Variants in KIRREL3 observed in about 807,000 individuals in gnomAD.
KIRREL3 encodes the protein kirre like nephrin family adhesion molecule 3.
In KIRREL3, 36 loss-of-function variants were observed where a neutral mutation model predicts 89.7. The ratio of observed to expected loss-of-function variants is 0.40; its 90% CI spans 0.31 to 0.53. The LOEUF is 0.53. Ranked by LOEUF, KIRREL3 falls within the 20% of genes least tolerant of loss-of-function variation. The pLI, the probability that KIRREL3 is intolerant of heterozygous loss-of-function variation, is 0.49. For synonymous variants in KIRREL3, 445 were observed against 441.4 expected, an observed-to-expected ratio of 1.01 and a Z score of -0.10; for missense variants, 864 against 1,056.6, an observed-to-expected ratio of 0.82 and a Z score of 2.53.
At chr11:126,545,228 A>G (rs1715776316) in intron 2 of KIRREL3, among the ~76,000 whole-genome samples, 1 of 152,172 alleles carries the variant, frequency 6.6e-6, no homozygotes. Context: ...AAACTGCCCT[A>G]TAGGGAAGAG....
intron 1 of KIRREL3, among the ~76,000 whole-genome samples, chr11:126,621,222 C>G (rs1161883063): frequency 6.6e-6 from 1 of 152,186 alleles, no homozygotes; most frequent in African/African-American, 2.4e-5. Context: ...CAGAACAGCT[C>G]TGAGTGGGGG....
At position 126,854,126 on chromosome 11, in the gene KIRREL3, TTG is replaced by T. The variant is rs375873911; in HGVS notation, c.55+146327_55+146328del. On this transcript the variant is annotated intron_variant, in intron 1 of 16. Coordinates refer to ENST00000525144, the MANE Select transcript of KIRREL3 (RefSeq NM_032531.4). ...CTAAACTCTTCCAGTAATAAGTTTC[TTG>T]TGTGTGTGTGTGTGTGTGTGTGTGT... is the stretch of plus-strand genomic sequence containing the variant. 5.4e-3 allele frequency among the ~76,000 whole-genome samples: 777 copies of T among 143,920 alleles called. 2 individuals are homozygous for T. The highest frequency in any genetic ancestry group is 0.01 in the African/African-American group (393 of 38,480). 94.4% of individuals were successfully genotyped at this position (143,920 alleles called of 152,430 possible). A position where few individuals can be genotyped will look rare whatever the true frequency, so the allele number is the denominator to read the frequency against.
chr11:126,742,530 A>G lies in KIRREL3; in HGVS notation c.56-179618T>C, dbSNP rs1032188362. On this transcript the variant is annotated intron_variant, in intron 1 of 16. Transcript: ENST00000525144. The surrounding 1 kb of genome is among the most constrained non-coding windows in gnomAD (Gnocchi z 5.3). The stretch of plus-strand genomic sequence containing the variant: ...CACACAACATGGATCTCAGAACTGG[A>G]AAGAACAAGAGATTTTCCCATAAAG... 2.0e-5 allele frequency among the ~76,000 whole-genome samples: 3 copies of G among 152,198 alleles called. No homozygotes were observed. The highest frequency in any genetic ancestry group is 6.5e-5 in the Admixed American group (1 of 15,280).
At chr11:126,446,021 A>G (rs1039601257) in intron 9 of KIRREL3, among the ~76,000 whole-genome samples, 6 of 151,934 alleles carry the variant, frequency 3.9e-5, no homozygotes, top group African/African-American at 1.2e-4. Context: ...GGTGGCCCAT[A>G]CCCATAGTCC....
In KIRREL3 at chr11:126,636,945, G is replaced by T. The variant is rs1209895421; in HGVS notation, c.56-74033C>A. Among the ~76,000 whole-genome samples the T allele has an allele frequency of 6.6e-6, 1 of 152,130 alleles. No individual in the cohort carries two copies. The highest frequency in any genetic ancestry group is 6.5e-5 in the Admixed American group (1 of 15,280). On this transcript the variant is annotated intron_variant, in intron 1 of 16. Transcript: ENST00000525144. This position sits in a 1 kb window ranked among gnomAD's most constrained non-coding sequence, Gnocchi z 4.4. ...TGGAAGATAAAAAGAGATGACTGAG[G>T]GATAAAAAGGCGATGTGAAAGTCCC...
At chr11:126,453,288 A>T (rs1956243786) in intron 7 of KIRREL3, among the ~76,000 whole-genome samples, 1 of 151,988 alleles carries the variant, frequency 6.6e-6, no homozygotes, top group African/African-American at 2.4e-5. Flanking sequence ...TCTGCTGGGG[A>T]ACACTGAGAG....
intron 1 of KIRREL3, among the ~76,000 whole-genome samples, chr11:126,688,793 G>A (rs1338716177): frequency 1.3e-5 from 2 of 152,136 alleles, no homozygotes; most frequent in Non-Finnish European, 1.5e-5. Flanking sequence ...CTCTCTTCTT[G>A]TCTCTGTCAG....
At chr11:126,466,320 C>CTT (rs1489186001) in intron 5 of KIRREL3, among the ~76,000 whole-genome samples, 1 of 152,244 alleles carries the variant, frequency 6.6e-6, no homozygotes, top group Admixed American at 6.5e-5. Flanking sequence ...GCACCAACAC[C>CTT]CTCTCTGTCC....
chr11:126,490,968 G>C lies in KIRREL3; in HGVS notation c.434-17502C>G, dbSNP rs1006973017. On this transcript the variant is annotated intron_variant, in intron 4 of 16. Coordinates refer to ENST00000525144, the MANE Select transcript of KIRREL3 (RefSeq NM_032531.4). This position sits in a 1 kb window ranked among gnomAD's most constrained non-coding sequence, Gnocchi z 4.2. ...CACAGCCCACCTGCACGAGGAGGGG[G>C]CGTTTGGAGGGTGGAGGAGAGCCTG... Among the ~76,000 whole-genome samples, 2 of 152,228 alleles carry C rather than the reference G, an allele frequency of 1.3e-5. No individual in the cohort carries two copies. The highest frequency in any genetic ancestry group is 4.8e-5 in the African/African-American group (2 of 41,462).
At chr11:126,818,617 TAGTAGTAGTG>T (rs1951661300) in intron 1 of KIRREL3, among the ~76,000 whole-genome samples, 2 of 67,850 alleles carry the variant, frequency 2.9e-5, no homozygotes, top group African/African-American at 7.5e-5. Flanking sequence ...GTAGTAGTAG[TAGTAGTAGTG>T]TGTGTGTGTG....
At chr11:126,848,276 C>A (rs1471489886) in intron 1 of KIRREL3, among the ~76,000 whole-genome samples, 1 of 152,198 alleles carries the variant, frequency 6.6e-6, no homozygotes, top group Admixed American at 6.5e-5. Context: ...ATTATTCTTG[C>A]TGCACTTTAT....
chr11:126,626,004 T>C (rs1943769206), intron 1 of KIRREL3, among the ~76,000 whole-genome samples: 1 of 152,256 alleles, frequency 6.6e-6, no homozygotes, highest in Non-Finnish European at 1.5e-5. Context: ...TTTTGTCCTC[T>C]TGTTGGCATG....
At chr11:126,577,787 C>G (rs538110664) in intron 1 of KIRREL3, among the ~76,000 whole-genome samples, 1 of 151,682 alleles carries the variant, frequency 6.6e-6, no homozygotes, top group East Asian at 1.9e-4. Flanking sequence ...AGACACTAAC[C>G]GTCCTTTCTC....
chr11:126,950,487 C>G (rs1006774217), intron 1 of KIRREL3, among the ~76,000 whole-genome samples: 3 of 152,210 alleles, frequency 2.0e-5, no homozygotes, highest in African/African-American at 7.2e-5. Context: ...CAGAATCTGG[C>G]CCCATTTACC....
At chr11:126,804,957 C>T (rs77244456) in intron 1 of KIRREL3, among the ~76,000 whole-genome samples, 18 of 152,164 alleles carry the variant, frequency 1.2e-4, no homozygotes, top group African/African-American at 2.9e-4. Context: ...TGGATGAGGT[C>T]GGCTCCACAA....
At chr11:126,968,596 G>A (rs1042517499) in intron 1 of KIRREL3, among the ~76,000 whole-genome samples, 19 of 152,184 alleles carry the variant, frequency 1.2e-4, no homozygotes, top group African/African-American at 4.6e-4. Context: ...TGCTAACAGC[G>A]TGCTGGAGAA....
chr11:126,769,043 T>TC lies in KIRREL3; in HGVS notation c.56-206132dup, dbSNP rs1357720141. On this transcript the variant is annotated intron_variant, in intron 1 of 16. Coordinates refer to ENST00000525144, the MANE Select transcript of KIRREL3 (RefSeq NM_032531.4). The surrounding 1 kb of genome is among the most constrained non-coding windows in gnomAD (Gnocchi z 4.3). ...CATTTCCATGCCTCTGCATAGGCTG[T>TC]CCCCTGGGGTCTCCTTTCCGCATCT... 2.0e-5 allele frequency among the ~76,000 whole-genome samples: 3 copies of TC among 152,302 alleles called. No homozygotes were observed. The East Asian group carries it at 5.8e-4, about 29-fold the overall frequency.
At chr11:126,923,187 C>CTCTTCTTCTTCT (rs1209221075) in intron 1 of KIRREL3, among the ~76,000 whole-genome samples, 2 of 23,844 alleles carry the variant, frequency 8.4e-5, no homozygotes, top group East Asian at 8.6e-4. Context: ...TCTTCTTCTT[C>CTCTTCTTCTTCT]TCTTCTTCTT....
rs558994392 is a variant in KIRREL3 at position 126,649,032 on chromosome 11, C to G, written c.56-86120G>C. Among the ~76,000 whole-genome samples, 24 of 152,212 alleles carry G rather than the reference C, an allele frequency of 1.6e-4. No homozygotes were observed. In the South Asian group the frequency reaches 4.8e-3, roughly 30 times the overall value. ...GAATCATGGAGGGAGGTGAAAGGCA[C>G]TTCTTAAATGGAGATGGCAAGAGAA... On this transcript the variant is annotated intron_variant, in intron 1 of 16. Transcript: ENST00000525144.
Sources: gnomAD v4.1 joint callset for allele counts (sites outside exome capture counted in the v4.1 genomes callset) on GRCh38, gnomAD v4.1.1 for gene constraint, Gnocchi (gnomAD v3.1) non-coding constraint, MANE v1.5 for transcripts, NCBI Gene and HGNC (gene_info 2026-07-23, HGNC 2026-07-21) for gene names.